Variants in SLC35F4 observed in about 807,000 individuals in gnomAD.
SLC35F4 encodes chromosome 14 open reading frame 36.
SLC35F4 carries 24 observed loss-of-function variants against 44.2 expected under a neutral mutation model. That is an observed-to-expected ratio of 0.54 (90% CI 0.39 to 0.76). SLC35F4 has a LOEUF of 0.76. Among genes scored for constraint, SLC35F4 ranks in the 30% least tolerant of loss-of-function variants. The pLI is 0.00. For missense variants in SLC35F4, 562 were observed against 586.1 expected, an observed-to-expected ratio of 0.96 and a Z score of 0.42; for synonymous variants, 238 against 223.6, an observed-to-expected ratio of 1.06 and a Z score of -0.57.
chr14:57,793,653 C>T (rs928755808), intron 1 of SLC35F4, among the ~76,000 whole-genome samples: 4 of 151,756 alleles, frequency 2.6e-5, no homozygotes, highest in African/African-American at 4.8e-5. Flanking sequence ...GATTCTATAT[C>T]TTTGTAATTG....
chr14:57,594,579 T>C (rs2070383796), intron 1 of SLC35F4, among the ~76,000 whole-genome samples: 1 of 152,318 alleles, frequency 6.6e-6, no homozygotes, highest in African/African-American at 2.4e-5. Context: ...AAATGAACAC[T>C]AGAAGATGGT....
At chr14:57,787,326 T>C (rs1356014758) in intron 1 of SLC35F4, among the ~76,000 whole-genome samples, 2 of 152,134 alleles carry the variant, frequency 1.3e-5, no homozygotes, top group African/African-American at 4.8e-5. Flanking sequence ...TCTAAAAGCT[T>C]GGAAAACATA....
At chr14:57,844,431 G>A (rs898715763) in intron 1 of SLC35F4, among the ~76,000 whole-genome samples, 2 of 152,018 alleles carry the variant, frequency 1.3e-5, no homozygotes, top group Admixed American at 6.6e-5. Context: ...GCAACACCAG[G>A]GTCAGCATTC....
At chr14:57,691,716 G>T (rs1566767720) in intron 1 of SLC35F4, among the ~76,000 whole-genome samples, 1 of 152,036 alleles carries the variant, frequency 6.6e-6, no homozygotes, top group African/African-American at 2.4e-5. Context: ...TATTCAGCTG[G>T]GCTCTATTAG....
chr14:57,937,807 G>A (rs1308039163), intron 1 of SLC35F4, among the ~76,000 whole-genome samples: 1 of 152,210 alleles, frequency 6.6e-6, no homozygotes, highest in East Asian at 1.9e-4. Flanking sequence ...AGTGAGTCAA[G>A]GACCAGATTG....
intron 1 of SLC35F4, among the ~76,000 whole-genome samples, chr14:57,763,979 C>T (rs2077181273): frequency 6.6e-6 from 1 of 152,178 alleles, no homozygotes; most frequent in South Asian, 2.1e-4. Context: ...AACCTTGCAA[C>T]TTCATCTGTA....
chr14:57,902,574 AAAAGAAG>A (rs1236115237), intron 1 of SLC35F4, among the ~76,000 whole-genome samples: 4 of 150,930 alleles, frequency 2.7e-5, no homozygotes, highest in Non-Finnish European at 5.9e-5. Flanking sequence ...AAAAAAAAAA[AAAAGAAG>A]AAGAAGAAGA....
At chr14:57,700,891 G>T (rs915589323) in intron 1 of SLC35F4, among the ~76,000 whole-genome samples, 5 of 152,120 alleles carry the variant, frequency 3.3e-5, no homozygotes, top group Non-Finnish European at 4.4e-5. Context: ...GGGTGACAGA[G>T]TGAGACCCTG....
At chr14:57,888,817 C>T (rs1370252332) in intron 1 of SLC35F4, among the ~76,000 whole-genome samples, 1 of 152,164 alleles carries the variant, frequency 6.6e-6, no homozygotes, top group East Asian at 1.9e-4. Flanking sequence ...AAACATAGAA[C>T]TTATTGCATC....
intron 3 of SLC35F4, among the ~76,000 whole-genome samples, chr14:57,583,183 A>G (rs1376754043): frequency 6.6e-6 from 1 of 152,216 alleles, no homozygotes; most frequent in Non-Finnish European, 1.5e-5. Context: ...GTCTCTTTGA[A>G]GCCCCACAGC....
intron 1 of SLC35F4, among the ~76,000 whole-genome samples, chr14:57,647,308 G>A (rs925294692): frequency 2.0e-5 from 3 of 152,062 alleles, no homozygotes; most frequent in African/African-American, 7.2e-5. Context: ...GGGTCCTCCT[G>A]TTATTGGGTG....
At chr14:57,802,318 G>A (rs905233025) in intron 1 of SLC35F4, among the ~76,000 whole-genome samples, 22 of 152,178 alleles carry the variant, frequency 1.4e-4, no homozygotes, top group African/African-American at 5.1e-4. Context: ...TCTCTGGGAT[G>A]TAGCCAAAGC....
chr14:57,849,470 T>C (rs62005007), intron 1 of SLC35F4, among the ~76,000 whole-genome samples: 2 of 79,604 alleles, frequency 2.5e-5, no homozygotes, highest in African/African-American at 1.9e-4. Context: ...CCCACAAAAA[T>C]TTTTTTTTAA....
chr14:57,739,681 C>T (rs1474103879), intron 1 of SLC35F4, among the ~76,000 whole-genome samples: 2 of 152,192 alleles, frequency 1.3e-5, no homozygotes, highest in African/African-American at 2.4e-5. Context: ...ACAGTGTGGG[C>T]TTTCAGTCCA....
chr14:57,898,156 A>C (rs1277382264), intron 1 of SLC35F4, among the ~76,000 whole-genome samples: 1 of 152,200 alleles, frequency 6.6e-6, no homozygotes, highest in Non-Finnish European at 1.5e-5. Context: ...GGTTTTCCAG[A>C]CACTTCAACC....
intron 1 of SLC35F4, among the ~76,000 whole-genome samples, chr14:57,717,631 G>C (rs963131101): frequency 2.0e-5 from 3 of 152,084 alleles, no homozygotes; most frequent in Admixed American, 1.3e-4. Flanking sequence ...GCGAGACTCC[G>C]TCTCAAAAAA....
At chr14:57,736,372 A>C (rs1566807965) in intron 1 of SLC35F4, among the ~76,000 whole-genome samples, 3 of 152,202 alleles carry the variant, frequency 2.0e-5, no homozygotes, top group Non-Finnish European at 4.4e-5. Context: ...AATCCAAAAA[A>C]CAATTTCAGT....
intron 1 of SLC35F4, among the ~76,000 whole-genome samples, chr14:57,920,035 C>G (rs1594625297): frequency 1.3e-5 from 2 of 152,294 alleles, no homozygotes; most frequent in Middle Eastern, 6.8e-3. Flanking sequence ...CCTGTTCAAT[C>G]TGCCACAAAA....
At chr14:57,739,326 C>CGGCATATCA (rs1013413296) in intron 1 of SLC35F4, among the ~76,000 whole-genome samples, 55 of 152,306 alleles carry the variant, frequency 3.6e-4, no homozygotes, top group African/African-American at 1.2e-3. Flanking sequence ...GGAGGACCAA[C>CGGCATATCA]GGCATATCAA....
Sources: allele counts gnomAD v4.1 joint callset (sites outside exome capture counted in the v4.1 genomes callset), GRCh38; gene constraint gnomAD v4.1.1; transcripts MANE v1.5; gene names NCBI Gene and HGNC (gene_info 2026-07-23, HGNC 2026-07-21).